The following RBFOX1 variants were observed in gnomAD, a reference collection of about 807,000 sequenced individuals.
The protein encoded by RBFOX1 is RNA binding fox-1 homolog 1.
A neutral mutation model predicts 57.7 loss-of-function variants in RBFOX1; 8 were observed. That is an observed-to-expected ratio of 0.14 (90% CI 0.08 to 0.25). RBFOX1 has a LOEUF of 0.25. RBFOX1 is among the 10% of genes least tolerant of loss of function. The pLI is 1.00. For synonymous variants in RBFOX1, 326 were observed against 222.4 expected, an observed-to-expected ratio of 1.47 and a Z score of -4.15; for missense variants, 611 against 548.5, an observed-to-expected ratio of 1.11 and a Z score of -1.14.
intron 3 of RBFOX1, among the ~76,000 whole-genome samples, chr16:6,872,343 G>C (rs1002652778): frequency 2.0e-5 from 3 of 151,962 alleles, no homozygotes; most frequent in Non-Finnish European, 4.4e-5. Flanking sequence ...CCTTCTCTCT[G>C]TTTCTCTCTT....
intron 3 of RBFOX1, among the ~76,000 whole-genome samples, chr16:6,828,197 T>C (rs1053595729): frequency 6.6e-6 from 1 of 152,050 alleles, no homozygotes; most frequent in African/African-American, 2.4e-5. Context: ...CCCTTGCCCG[T>C]AGAAGTGAGA....
At chr16:6,177,543 G>T (rs1317354603) in intron 1 of RBFOX1, among the ~76,000 whole-genome samples, 1 of 152,054 alleles carries the variant, frequency 6.6e-6, no homozygotes, top group East Asian at 1.9e-4. Context: ...TGCCTTTATA[G>T]AATCATGTCA....
At position 6,699,545 on chromosome 16, in the gene RBFOX1, C is replaced by T. The variant is rs17140967; in HGVS notation, c.-16+44895C>T. Reference sequence around the variant, plus strand: ...TATCAACGCTGACTGGTTGGGCACTCCAGTAACAAACACCAAAGCGAGTGA... The same window carrying T: ...TATCAACGCTGACTGGTTGGGCACTTCAGTAACAAACACCAAAGCGAGTGA... On this transcript the variant is annotated intron_variant, in intron 3 of 15. Transcript: ENST00000550418. Among the ~76,000 whole-genome samples, 1,167 of 152,282 alleles carry T rather than the reference C, an allele frequency of 7.7e-3. 18 individuals carry two copies. The highest frequency in any genetic ancestry group is 0.026 in the African/African-American group (1,094 of 41,540).
At chr16:5,357,015 TG>T (rs2065407647) in intron 1 of RBFOX1, among the ~76,000 whole-genome samples, 1 of 152,206 alleles carries the variant, frequency 6.6e-6, no homozygotes, top group Non-Finnish European at 1.5e-5. Context: ...GATAAGGAGA[TG>T]GAGGCTTACA....
At chr16:6,060,085 G>A (rs1465132526) in intron 1 of RBFOX1, among the ~76,000 whole-genome samples, 2 of 140,214 alleles carry the variant, frequency 1.4e-5, no homozygotes, top group African/African-American at 2.7e-5. Flanking sequence ...AAAAAAATAG[G>A]TAACTGGCAT....
At chr16:6,814,245 T>C (rs547307164) in intron 3 of RBFOX1, among the ~76,000 whole-genome samples, 1 of 107,410 alleles carries the variant, frequency 9.3e-6, no homozygotes, top group East Asian at 2.4e-4. Flanking sequence ...GAGAGAAAAT[T>C]GTGGTGGGGG....
intron 1 of RBFOX1, among the ~76,000 whole-genome samples, chr16:5,424,240 A>G (rs1019238765): frequency 6.6e-5 from 10 of 152,200 alleles, no homozygotes; most frequent in Non-Finnish European, 1.3e-4. Context: ...GCTGAATTGC[A>G]TTGAGAGACA....
At chr16:7,614,881 C>G (rs2058168956) in intron 10 of RBFOX1, 1 of 152,204 alleles carries the variant, frequency 6.6e-6, no homozygotes, top group African/African-American at 2.4e-5. Context: ...TTCGCCAAAT[C>G]ACAGAACTAC....
chr16:7,035,513 T>G (rs1291592317), intron 3 of RBFOX1, among the ~76,000 whole-genome samples: 1 of 152,216 alleles, frequency 6.6e-6, no homozygotes, highest in East Asian at 1.9e-4. Flanking sequence ...AGAATTTAAT[T>G]GCAATATTTT....
chr16:7,017,985 G>A (rs987692223), intron 3 of RBFOX1, among the ~76,000 whole-genome samples: 2 of 152,126 alleles, frequency 1.3e-5, no homozygotes, highest in Non-Finnish European at 1.5e-5. Context: ...GGCAGTTGTG[G>A]TCTTCAGGGA....
intron 4 of RBFOX1, among the ~76,000 whole-genome samples, chr16:7,317,436 A>G (rs188252192): frequency 9.2e-4 from 140 of 152,232 alleles, no homozygotes; most frequent in African/African-American, 3.1e-3. Flanking sequence ...CACCACCACT[A>G]TCACCACTGT....
chr16:5,646,027 T>A (rs73529741), intron 3 of RBFOX1, among the ~76,000 whole-genome samples: 3,632 of 151,170 alleles, frequency 0.024, 144 homozygotes, highest in African/African-American at 0.083. Flanking sequence ...GTTTTTTTTT[T>A]AATTTTTTTT....
chr16:6,360,948 T>TTTTTATTA (rs2088375175), intron 2 of RBFOX1, among the ~76,000 whole-genome samples: 1 of 150,292 alleles, frequency 6.7e-6, no homozygotes, highest in Non-Finnish European at 1.5e-5. Flanking sequence ...TTTCACATCT[T>TTTTTATTA]TTTTATTTTA....
intron 3 of RBFOX1, among the ~76,000 whole-genome samples, chr16:6,742,897 G>A (rs764253142): frequency 9.2e-5 from 14 of 152,260 alleles, no homozygotes; most frequent in Non-Finnish European, 1.9e-4. Context: ...GTTCTGTATT[G>A]TATTGTGGTG....
At chr16:5,244,305 A>G (rs1410062396) in intron 1 of RBFOX1, among the ~76,000 whole-genome samples, 4 of 152,230 alleles carry the variant, frequency 2.6e-5, no homozygotes, top group South Asian at 2.1e-4. Context: ...TGCGGTGCAG[A>G]GCAGAATATC....
chr16:7,176,671 A>G (rs896370359), intron 4 of RBFOX1, among the ~76,000 whole-genome samples: 5 of 152,166 alleles, frequency 3.3e-5, no homozygotes, highest in African/African-American at 1.2e-4. Flanking sequence ...TTTACTGGAA[A>G]AGGTTTCCGA....
chr16:6,992,245 C>T (rs1019205345), intron 3 of RBFOX1, among the ~76,000 whole-genome samples: 3 of 151,612 alleles, frequency 2.0e-5, no homozygotes, highest in Admixed American at 1.3e-4. Context: ...CTTACTGCAG[C>T]CTCTGCCTCC....
chr16:6,942,848 C>G (rs1001095134), intron 3 of RBFOX1, among the ~76,000 whole-genome samples: 3 of 152,186 alleles, frequency 2.0e-5, no homozygotes, highest in African/African-American at 7.2e-5. Flanking sequence ...TTGAGGAGGA[C>G]AGTCCTTCTA....
At chr16:6,016,850 G>A (rs2094996778), upstream of RBFOX1, among the ~76,000 whole-genome samples, 1 of 152,146 alleles carries the variant, frequency 6.6e-6, no homozygotes, top group South Asian at 2.1e-4. Flanking sequence ...GTCATTGTGA[G>A]AAAGAAACTA....
Sources: allele counts gnomAD v4.1 joint callset (sites outside exome capture counted in the v4.1 genomes callset), GRCh38; gene constraint gnomAD v4.1.1; transcripts MANE v1.5; gene names NCBI Gene and HGNC (gene_info 2026-07-23, HGNC 2026-07-21).